CNTN5: variants seen among roughly 807,000 people sequenced by gnomAD.
CNTN5 encodes contactin 5.
A neutral mutation model predicts 129.1 loss-of-function variants in CNTN5; 77 were observed. The ratio of observed to expected loss-of-function variants is 0.60; its 90% CI spans 0.50 to 0.72. CNTN5 has a LOEUF of 0.72. CNTN5 is among the 30% of genes least tolerant of loss of function. The pLI is 0.00. For synonymous variants in CNTN5, 509 were observed against 465.6 expected (o/e 1.09, Z -1.20); for missense variants, 1,478 against 1,328.8 (o/e 1.11, Z -1.75).
intron 1 of CNTN5, among the ~76,000 whole-genome samples, chr11:99,316,624 C>G (rs1202530152): frequency 6.6e-6 from 1 of 151,700 alleles, no homozygotes; most frequent in Non-Finnish European, 1.5e-5. Flanking sequence ...TAATTCAAGC[C>G]ATTTTCTCCC....
chr11:100,273,956 AC>A (rs1204735357), intron 18 of CNTN5, among the ~76,000 whole-genome samples: 3 of 152,226 alleles, frequency 2.0e-5, no homozygotes, highest in African/African-American at 7.2e-5. Flanking sequence ...GCAACATGTT[AC>A]CCAACTTCAA....
chr11:99,303,414 A>T (rs1448596762), intron 1 of CNTN5, among the ~76,000 whole-genome samples: 1 of 151,710 alleles, frequency 6.6e-6, no homozygotes, highest in Admixed American at 6.6e-5. Flanking sequence ...AATTAGTATT[A>T]CAGATTTGAG....
intron 1 of CNTN5, among the ~76,000 whole-genome samples, chr11:99,065,906 G>A (rs1865082654): frequency 6.6e-6 from 1 of 152,116 alleles, no homozygotes. Context: ...CTCAATAGAA[G>A]TGTTTTTAAA....
intron 6 of CNTN5, among the ~76,000 whole-genome samples, chr11:99,904,428 G>C (rs1157751381): frequency 6.6e-6 from 1 of 152,104 alleles, no homozygotes; most frequent in Non-Finnish European, 1.5e-5. Context: ...TGCTGAGAGT[G>C]ATGGTTTCCA....
chr11:99,347,732 A>G (rs1474407318), intron 2 of CNTN5, among the ~76,000 whole-genome samples: 4 of 152,206 alleles, frequency 2.6e-5, no homozygotes, highest in Non-Finnish European at 5.9e-5. Context: ...CCATGATATT[A>G]GCCCCGATAT....
intron 13 of CNTN5, among the ~76,000 whole-genome samples, chr11:100,152,370 C>T (rs1947093525): frequency 6.6e-6 from 1 of 152,062 alleles, no homozygotes; most frequent in African/African-American, 2.4e-5. Flanking sequence ...ACTCTGGTCC[C>T]CTGACTCCCT....
chr11:100,168,556 G>T (rs1947721341), intron 13 of CNTN5, among the ~76,000 whole-genome samples: 1 of 151,940 alleles, frequency 6.6e-6, no homozygotes, highest in Admixed American at 6.6e-5. Flanking sequence ...TAAGCCCACT[G>T]TTGAGAAATA....
intron 3 of CNTN5, among the ~76,000 whole-genome samples, chr11:99,609,156 A>T (rs1470292111): frequency 2.6e-5 from 4 of 152,120 alleles, no homozygotes; most frequent in Admixed American, 2.6e-4. Context: ...TTAGAATTCA[A>T]ATTTGTGTTC....
chr11:100,305,681 A>T (rs1951332395), intron 20 of CNTN5, among the ~76,000 whole-genome samples: 1 of 151,618 alleles, frequency 6.6e-6, no homozygotes, highest in African/African-American at 2.4e-5. Flanking sequence ...TCTGTGATCC[A>T]GTTAGCTACT....
chr11:99,428,062 TAAAC>T (rs945901007), intron 2 of CNTN5, among the ~76,000 whole-genome samples: 5 of 152,132 alleles, frequency 3.3e-5, no homozygotes, highest in East Asian at 3.9e-4. Context: ...CTTTCTTAAA[TAAAC>T]AGTCATTTTA....
Position 99,803,403 on chromosome 11 carries a change from T to C in CNTN5, c.56-16141T>C, listed in dbSNP as rs77083543. On this transcript the variant is annotated intron_variant, in intron 3 of 24. Coordinates refer to ENST00000524871, the MANE Select transcript of CNTN5 (RefSeq NM_014361.4). ...TCCAGTGCCTTTTCATAATTCTGAC[T>C]GGAGGTCCTTACCCTACTTTAGAGC... Among the ~76,000 whole-genome samples, 1,142 of 152,336 alleles carry C rather than the reference T, an allele frequency of 7.5e-3. 14 individuals carry two copies. The highest frequency in any genetic ancestry group is 0.026 in the African/African-American group (1,095 of 41,580).
intron 10 of CNTN5, among the ~76,000 whole-genome samples, chr11:100,068,042 T>C (rs1032742998): frequency 1.3e-5 from 2 of 152,158 alleles, no homozygotes; most frequent in Non-Finnish European, 2.9e-5. Flanking sequence ...TTCATTTCTG[T>C]AACTTTTAAA....
At chr11:100,049,091 T>C (rs1942832029) in intron 9 of CNTN5, among the ~76,000 whole-genome samples, 1 of 152,116 alleles carries the variant, frequency 6.6e-6, no homozygotes, top group African/African-American at 2.4e-5. Context: ...TTGCAGGAAA[T>C]GTAATACTGT....
intron 7 of CNTN5, among the ~76,000 whole-genome samples, chr11:99,920,234 C>A (rs1279969966): frequency 6.6e-6 from 1 of 152,076 alleles, no homozygotes; most frequent in East Asian, 1.9e-4. Context: ...TGATATTCCT[C>A]CACTCTTTCT....
intron 2 of CNTN5, among the ~76,000 whole-genome samples, chr11:99,511,433 T>C (rs1028555944): frequency 5.3e-5 from 8 of 152,060 alleles, no homozygotes; most frequent in African/African-American, 1.9e-4. Flanking sequence ...TCTGTTCTTT[T>C]ACATTTGCTG....
intron 1 of CNTN5, among the ~76,000 whole-genome samples, chr11:99,222,907 C>A (rs1043411164): frequency 2.0e-5 from 3 of 152,126 alleles, no homozygotes; most frequent in Admixed American, 1.3e-4. Flanking sequence ...AGATGTATAA[C>A]CGTGAACACA....
intron 2 of CNTN5, among the ~76,000 whole-genome samples, chr11:99,490,787 A>G (rs1446205751): frequency 6.6e-6 from 1 of 152,124 alleles, no homozygotes. Context: ...ATGGTTTCCT[A>G]TCTCTCATTG....
chr11:100,115,115 TAAAAAAAAAA>T (rs11388029), intron 13 of CNTN5, among the ~76,000 whole-genome samples: 3 of 78,408 alleles, frequency 3.8e-5, no homozygotes, highest in Admixed American at 1.7e-4. Context: ...AGGTATACAG[TAAAAAAAAAA>T]AAAAAAAAAA....
At chr11:99,989,564 C>T (rs1198488517) in intron 8 of CNTN5, among the ~76,000 whole-genome samples, 2 of 151,812 alleles carry the variant, frequency 1.3e-5, no homozygotes, top group African/African-American at 4.8e-5. Context: ...TTGTAAAAAA[C>T]CACCCAAAAG....
Sources: gnomAD v4.1 joint callset for allele counts (sites outside exome capture counted in the v4.1 genomes callset) on GRCh38, gnomAD v4.1.1 for gene constraint, MANE v1.5 for transcripts, NCBI Gene and HGNC (gene_info 2026-07-23, HGNC 2026-07-21) for gene names.